Variants in DCDC2 observed in about 807,000 individuals in gnomAD.
The protein encoded by DCDC2 is doublecortin domain containing 2.
DCDC2 carries 40 observed loss-of-function variants against 50.2 expected under a neutral mutation model. The observed-to-expected ratio is 0.80, with a 90% CI of 0.62 to 1.04. The LOEUF is 1.04. Among genes scored for constraint, DCDC2 ranks in the 50% least tolerant of loss-of-function variants. The pLI, the probability that DCDC2 is intolerant of heterozygous loss-of-function variation, is 0.00. For synonymous variants in DCDC2, 234 were observed against 210.6 expected, an observed-to-expected ratio of 1.11 and a Z score of -0.96; for missense variants, 570 against 581.9, an observed-to-expected ratio of 0.98 and a Z score of 0.21.
chr6:24,219,272 T>C (rs1197608122), intron 7 of DCDC2, among the ~76,000 whole-genome samples: 2 of 152,206 alleles, frequency 1.3e-5, no homozygotes, highest in Non-Finnish European at 2.9e-5. Context: ...ATAATGATGA[T>C]GATGATTAAT....
chr6:24,189,838 G>T (rs1581576362), intron 8 of DCDC2, among the ~76,000 whole-genome samples: 1 of 152,074 alleles, frequency 6.6e-6, no homozygotes, highest in African/African-American at 2.4e-5. Flanking sequence ...AAAGTGTGTG[G>T]ATTTGTTACA....
At chr6:24,195,517 C>G (rs888033593) in intron 8 of DCDC2, among the ~76,000 whole-genome samples, 2 of 152,164 alleles carry the variant, frequency 1.3e-5, no homozygotes, top group Non-Finnish European at 2.9e-5. Flanking sequence ...CTTTATCATA[C>G]TGGACAATAA....
chr6:24,362,340 T>C (rs968560029), upstream of DCDC2, among the ~76,000 whole-genome samples: 20 of 145,774 alleles, frequency 1.4e-4, no homozygotes, highest in East Asian at 3.7e-3. Context: ...TATTTAATTG[T>C]ATGTTGATAC....
intron 8 of DCDC2, among the ~76,000 whole-genome samples, chr6:24,200,184 G>C (rs898612506): frequency 6.6e-6 from 1 of 152,122 alleles, no homozygotes; most frequent in Admixed American, 6.6e-5. Flanking sequence ...TCCTCAAAAA[G>C]AGTAACCCCA....
At chr6:24,207,319 T>C (rs79345582) in intron 7 of DCDC2, among the ~76,000 whole-genome samples, 15 of 146,726 alleles carry the variant, frequency 1.0e-4, no homozygotes, top group African/African-American at 3.5e-4. Flanking sequence ...ACACATGCAC[T>C]CGTAAAACTG....
chr6:24,369,330 C>T, the DCDC2 span, among the ~76,000 whole-genome samples: 21 of 151,812 alleles, frequency 1.4e-4, no homozygotes, highest in Non-Finnish European at 2.6e-4. Context: ...ATTCTGAGCC[C>T]GGGCTCAGTG....
intron 2 of DCDC2, among the ~76,000 whole-genome samples, chr6:24,347,192 T>A (rs545461823): frequency 6.6e-6 from 1 of 152,328 alleles, no homozygotes; most frequent in Non-Finnish European, 1.5e-5. Flanking sequence ...TAAAAGCTAT[T>A]TAGCCCCCTA....
intron 7 of DCDC2, among the ~76,000 whole-genome samples, chr6:24,237,031 A>C (rs1087288): frequency 0.52 from 78,015 of 150,858 alleles, 21,975 homozygotes; most frequent in Non-Finnish European, 0.62. Flanking sequence ...GAAGAAGTGG[A>C]CAAAGGACAT....
At chr6:24,302,068 T>C in intron 2 of DCDC2, 24 bp from the exon 3 acceptor site, 1 of 1,591,874 alleles carries the variant, frequency 6.3e-7, no homozygotes, top group African/African-American at 1.4e-5. Context: ...GGAAAAAAAA[T>C]ATAAACCACT....
chr6:24,246,912 T>A (rs1762689934), intron 7 of DCDC2, among the ~76,000 whole-genome samples: 1 of 152,192 alleles, frequency 6.6e-6, no homozygotes, highest in South Asian at 2.1e-4. Context: ...CATATATAAC[T>A]AAGTAAAGAA....
At chr6:24,280,478 C>G (rs894039021) in intron 6 of DCDC2, among the ~76,000 whole-genome samples, 5 of 151,662 alleles carry the variant, frequency 3.3e-5, no homozygotes, top group African/African-American at 1.2e-4. Context: ...CCAAAAGCAT[C>G]AGCCAAGTCT....
chr6:24,238,490 G>A (rs541628786), intron 7 of DCDC2, among the ~76,000 whole-genome samples: 1 of 151,708 alleles, frequency 6.6e-6, no homozygotes, highest in African/African-American at 2.4e-5. Flanking sequence ...GTAGAGATGG[G>A]GTTTCACCAT....
Position 24,174,686 on chromosome 6 carries a change from C to T in DCDC2, c.*44G>A, listed in dbSNP as rs1292184352. The T allele has an allele frequency of 1.5e-6, 2 of 1,348,076 alleles. No homozygotes were observed. The highest frequency in any genetic ancestry group is 1.8e-4 in the Middle Eastern group (1 of 5,548). The allele number at this position is 1,348,076 out of a possible 1,614,324, so 83.5% of individuals were successfully genotyped here. ...TGCTTATCTTTCAAGTATGATAACC[C>T]TTCATTTTTCTTGCGATCCATATAC... On this transcript the variant is annotated 3_prime_UTR_variant, in exon 10 of 10. Coordinates refer to ENST00000378454, the MANE Select transcript of DCDC2 (RefSeq NM_016356.5).
At chr6:24,276,078 G>C (rs978883485) in intron 7 of DCDC2, among the ~76,000 whole-genome samples, 2 of 151,710 alleles carry the variant, frequency 1.3e-5, no homozygotes, top group Middle Eastern at 3.4e-3. Flanking sequence ...TGGCTATGTT[G>C]CCCAGGCTGG....
rs577170843 is a variant in DCDC2, at chr6:24,326,355, A to AC, written c.349-24312dup. ...TTAGAATACACCAACCAATAGAAGG[A>AC]CCCCCCCATGCCCTAGAGCTCCCTG... is the stretch of plus-strand genomic sequence containing the variant. On this transcript the variant is annotated intron_variant, in intron 2 of 9. Coordinates refer to ENST00000378454, the MANE Select transcript of DCDC2 (RefSeq NM_016356.5). 5.2e-3 allele frequency among the ~76,000 whole-genome samples: 765 copies of AC among 148,256 alleles called. 24 individuals carry two copies. Among genetic ancestry groups the AC allele is most frequent in the African/African-American group, 0.016 (666 of 41,154 alleles).
chr6:24,318,908 C>G (rs534032691), intron 2 of DCDC2, among the ~76,000 whole-genome samples: 1 of 152,030 alleles, frequency 6.6e-6, no homozygotes, highest in East Asian at 1.9e-4. Context: ...GTGCAGGTAT[C>G]TTTTTTGATG....
At chr6:24,181,029 C>A (rs1179174894) in intron 8 of DCDC2, among the ~76,000 whole-genome samples, 4 of 152,092 alleles carry the variant, frequency 2.6e-5, no homozygotes, top group Non-Finnish European at 4.4e-5. Context: ...ACTGAAAAAA[C>A]CACAATGTTT....
intron 2 of DCDC2, among the ~76,000 whole-genome samples, chr6:24,318,269 G>T (rs1759708698): frequency 6.6e-6 from 1 of 152,036 alleles, no homozygotes; most frequent in African/African-American, 2.4e-5. Context: ...ATACATAGGA[G>T]AGTGCTTAAA....
intron 7 of DCDC2, among the ~76,000 whole-genome samples, chr6:24,232,030 T>TACACACAC (rs934658983): frequency 7.4e-6 from 1 of 135,118 alleles, no homozygotes; most frequent in Admixed American, 7.2e-5. Context: ...CACACACACA[T>TACACACAC]ACACACATAC....
Sources: allele counts gnomAD v4.1 joint callset (sites outside exome capture counted in the v4.1 genomes callset), GRCh38; gene constraint gnomAD v4.1.1; transcripts MANE v1.5; gene names NCBI Gene and HGNC (gene_info 2026-07-23, HGNC 2026-07-21).